UQCRH: variants seen among roughly 807,000 people sequenced by gnomAD.
The protein encoded by UQCRH is ubiquinol-cytochrome c reductase hinge protein.
A neutral mutation model predicts 16.3 loss-of-function variants in UQCRH; 14 were observed. That is an observed-to-expected ratio of 0.86 (90% confidence interval 0.57 to 1.34). The LOEUF is 1.34. Among genes scored for constraint, UQCRH ranks in the 40% most tolerant of loss-of-function variants. UQCRH has a pLI of 0.00. For missense variants in UQCRH, 89 were observed against 111.9 expected (o/e 0.80, Z 0.92); for synonymous variants, 41 against 41.9 (o/e 0.98, Z 0.08).
chr1:46,311,861 C>G (rs1443238216), intron 3 of UQCRH, among the ~76,000 whole-genome samples: 1 of 151,506 alleles, frequency 6.6e-6, no homozygotes, highest in Non-Finnish European at 1.5e-5. Flanking sequence ...GTCTCCTGAC[C>G]CCTGTGATCC....
intron 1 of UQCRH, among the ~76,000 whole-genome samples, chr1:46,307,558 A>T (rs925741106): frequency 6.6e-6 from 1 of 152,136 alleles, no homozygotes; most frequent in Non-Finnish European, 1.5e-5. Context: ...AGATTTTACT[A>T]TATCCCAAAT....
chr1:46,303,845 C>T, intron 1 of UQCRH, 25 bp downstream of exon 1: 1 of 1,614,084 alleles, frequency 6.2e-7, no homozygotes, highest in Non-Finnish European at 8.5e-7. Flanking sequence ...TCCACTCGGC[C>T]CTCTTCTCTG....
intron 1 of UQCRH, among the ~76,000 whole-genome samples, chr1:46,305,922 C>G (rs1260387593): frequency 6.6e-6 from 1 of 151,696 alleles, no homozygotes; most frequent in Non-Finnish European, 1.5e-5. Flanking sequence ...TCTTTTGCCT[C>G]AGCCTCCTGA....
chr1:46,316,501 C>T, intron 3 of UQCRH, 51 bp from the exon 4 acceptor site: 1 of 1,612,572 alleles, frequency 6.2e-7, no homozygotes, highest in South Asian at 1.1e-5. Flanking sequence ...CCTTGTAAGC[C>T]ATGACATTAA....
At chr1:46,305,391 C>G (rs1402679678) in intron 1 of UQCRH, among the ~76,000 whole-genome samples, 1 of 149,888 alleles carries the variant, frequency 6.7e-6, no homozygotes, top group Non-Finnish European at 1.5e-5. Flanking sequence ...TGAGAAAAAG[C>G]AAGTAATTAA....
Position 46,309,141 on chromosome 1 carries a change from C to T in UQCRH, c.81+14C>T. ...GAGGAATTAGTGGTAAGAACTGTCT[C>T]AGGTTTGGAAACATCTCAGTAAAAG... On this transcript the variant is annotated intron_variant, in intron 2 of 3. Transcript: ENST00000311672. The T allele has an allele frequency of 6.2e-7, 1 of 1,609,994 alleles. No individual in the cohort carries two copies. Among genetic ancestry groups the T allele is most frequent in the Non-Finnish European group, 8.5e-7 (1 of 1,179,118 alleles).
At chr1:46,313,924 A>G (rs1178338546) in intron 3 of UQCRH, among the ~76,000 whole-genome samples, 1 of 152,222 alleles carries the variant, frequency 6.6e-6, no homozygotes, top group Non-Finnish European at 1.5e-5. Context: ...TTCTAGGTAT[A>G]TACCCAGAAG....
chr1:46,309,434 G>A, intron 2 of UQCRH: 2 of 325,176 alleles, frequency 6.2e-6, no homozygotes, highest in Non-Finnish European at 1.1e-5. Context: ...GCTCGTGCCT[G>A]TAATCTCAGC....
chr1:46,314,951 G>A (rs769892690), intron 3 of UQCRH, among the ~76,000 whole-genome samples: 1 of 152,166 alleles, frequency 6.6e-6, no homozygotes, highest in Non-Finnish European at 1.5e-5. Flanking sequence ...GATTGTAGGG[G>A]ACTGTATGGT....
At chr1:46,311,073 T>C (rs1188482938) in intron 3 of UQCRH, among the ~76,000 whole-genome samples, 1 of 141,698 alleles carries the variant, frequency 7.1e-6, no homozygotes, top group Non-Finnish European at 1.5e-5. Context: ...AGACTCCATC[T>C]CAAAAAAAAA....
At chr1:46,305,100 A>C (rs1661341809) in intron 1 of UQCRH, among the ~76,000 whole-genome samples, 1 of 151,108 alleles carries the variant, frequency 6.6e-6, no homozygotes, top group Non-Finnish European at 1.5e-5. Context: ...GACAGGTAGC[A>C]TGAGTCCAGG....
intron 3 of UQCRH, among the ~76,000 whole-genome samples, 181 bp downstream of exon 3, chr1:46,310,497 A>G (rs1018332969): frequency 6.6e-6 from 1 of 152,118 alleles, no homozygotes; most frequent in Non-Finnish European, 1.5e-5. Flanking sequence ...GGGTCTCACT[A>G]TGTTGTCCAG....
chr1:46,314,894 T>C (rs1661551974), intron 3 of UQCRH, among the ~76,000 whole-genome samples: 1 of 152,174 alleles, frequency 6.6e-6, no homozygotes, highest in Non-Finnish European at 1.5e-5. Flanking sequence ...ATGGATATAG[T>C]TTTGATTTAG....
At position 46,315,518 on chromosome 1, in the gene UQCRH, C is replaced by T. The variant is rs374295231; in HGVS notation, c.244-1034C>T. ...CTGAGGCAGGAGAATCACTTGAACC[C>T]GGGAGGCGGAGGTTGCAGTGAGCCA... On this transcript the variant is annotated intron_variant, in intron 3 of 3. Coordinates refer to ENST00000311672, the MANE Select transcript of UQCRH (RefSeq NM_006004.4). 6.7e-5 allele frequency among the ~76,000 whole-genome samples: 10 copies of T among 148,446 alleles called. No individual in the cohort carries two copies. The East Asian group carries it at 1.2e-3, about 18-fold the overall frequency.
intron 2 of UQCRH, chr1:46,309,476 GC>G (rs144930516): frequency 0.034 from 8,553 of 253,474 alleles, 285 homozygotes; most frequent in African/African-American, 0.09. Flanking sequence ...CGGATTACCA[GC>G]CTGAACAACG....
chr1:46,305,003 T>C (rs1181107217), intron 1 of UQCRH, among the ~76,000 whole-genome samples: 1 of 152,102 alleles, frequency 6.6e-6, no homozygotes, highest in Non-Finnish European at 1.5e-5. Flanking sequence ...TTTCTAGTCT[T>C]ATTATTTCTA....
At chr1:46,310,842 T>C (rs1047952900) in intron 3 of UQCRH, among the ~76,000 whole-genome samples, 1 of 149,260 alleles carries the variant, frequency 6.7e-6, no homozygotes, top group African/African-American at 2.5e-5. Context: ...CCGAGGCGGG[T>C]GGATCATGAG....
At chr1:46,315,384 C>T (rs541496978) in intron 3 of UQCRH, among the ~76,000 whole-genome samples, 18 of 151,918 alleles carry the variant, frequency 1.2e-4, no homozygotes, top group Admixed American at 3.3e-4. Flanking sequence ...GCAGAGGTTG[C>T]GGTGAGCCAT....
intron 3 of UQCRH, among the ~76,000 whole-genome samples, chr1:46,315,446 T>C (rs1661566042): frequency 6.7e-6 from 1 of 150,120 alleles, no homozygotes; most frequent in African/African-American, 2.5e-5. Flanking sequence ...AAAAAAAAAT[T>C]AGCTGAGTGT....
Sources: allele counts gnomAD v4.1 joint callset (sites outside exome capture counted in the v4.1 genomes callset), GRCh38; gene constraint gnomAD v4.1.1; transcripts MANE v1.5; gene names NCBI Gene and HGNC (gene_info 2026-07-23, HGNC 2026-07-21).